Variants in SRBD1 observed in about 807,000 individuals in gnomAD.
The protein encoded by SRBD1 is S1 RNA-binding domain-containing protein 1.
SRBD1 carries 88 observed loss-of-function variants against 115.3 expected under a neutral mutation model. The ratio of observed to expected loss-of-function variants is 0.76; its 90% CI spans 0.64 to 0.91. The LOEUF (loss-of-function observed/expected upper bound fraction) is 0.91. Ranked by LOEUF, SRBD1 falls within the 40% of genes least tolerant of loss-of-function variation. The pLI is 0.00. For missense variants in SRBD1, 1,385 were observed against 1,177.4 expected (o/e 1.18, Z -2.58); for synonymous variants, 509 against 407.7 (o/e 1.25, Z -2.99).
intron 20 of SRBD1, among the ~76,000 whole-genome samples, chr2:45,390,509 G>A (rs1666966708): frequency 6.6e-6 from 1 of 152,238 alleles, no homozygotes; most frequent in Non-Finnish European, 1.5e-5. Flanking sequence ...AAACGGGGCT[G>A]TGGATTATCT....
chr2:45,583,615 T>C (rs1456533152), intron 5 of SRBD1, among the ~76,000 whole-genome samples: 1 of 152,222 alleles, frequency 6.6e-6, no homozygotes, highest in African/African-American at 2.4e-5. Context: ...GTATTTTCTA[T>C]TCACTATTTC....
intron 16 of SRBD1, among the ~76,000 whole-genome samples, chr2:45,420,887 T>C (rs1332752040): frequency 6.6e-6 from 1 of 152,204 alleles, no homozygotes; most frequent in Non-Finnish European, 1.5e-5. Context: ...ATACTTTAAG[T>C]TGTTCTAGGG....
intron 19 of SRBD1, among the ~76,000 whole-genome samples, chr2:45,398,203 G>A (rs1037562324): frequency 6.6e-6 from 1 of 152,100 alleles, no homozygotes; most frequent in African/African-American, 2.4e-5. Flanking sequence ...TTTTAAAAAT[G>A]TAACCCCTTC....
intron 19 of SRBD1, among the ~76,000 whole-genome samples, chr2:45,395,391 G>A (rs1324939116): frequency 6.6e-6 from 1 of 152,086 alleles, no homozygotes; most frequent in East Asian, 1.9e-4. Flanking sequence ...AGAGAGAGAG[G>A]GAGAGAGGAA....
intron 10 of SRBD1, among the ~76,000 whole-genome samples, chr2:45,558,193 G>A (rs184022603): frequency 2.4e-3 from 363 of 152,260 alleles, no homozygotes; most frequent in Admixed American, 5.7e-3. Context: ...AGCCAGGTGT[G>A]GTGGTGCATG....
rs984778410 is a variant in SRBD1 at position 45,499,855 on chromosome 2, T to A, written c.1875-11524A>T. 7.2e-5 allele frequency among the ~76,000 whole-genome samples: 11 copies of A among 152,170 alleles called. 1 individual carries two copies. Among genetic ancestry groups the A allele is most frequent in the African/African-American group, 2.7e-4 (11 of 41,452 alleles). ...CTCTCTTCTGTTCCATTGGTCTATG[T>A]GTCTGTTTTTATGCCAGTATCATGC... On this transcript the variant is annotated intron_variant, in intron 14 of 20. Transcript: ENST00000263736.
chr2:45,590,442 T>C (rs1191972860), intron 4 of SRBD1, among the ~76,000 whole-genome samples: 1 of 152,186 alleles, frequency 6.6e-6, no homozygotes, highest in Non-Finnish European at 1.5e-5. Context: ...TGGCTCTGTG[T>C]CCCCACCCAA....
chr2:45,463,298 C>A (rs1410958711), intron 16 of SRBD1, among the ~76,000 whole-genome samples: 1 of 152,176 alleles, frequency 6.6e-6, no homozygotes, highest in African/African-American at 2.4e-5. Flanking sequence ...CAGGATTATG[C>A]ATTTAATGCA....
chr2:45,531,122 AAATAT>A (rs1558458501), intron 14 of SRBD1, among the ~76,000 whole-genome samples: 4 of 151,770 alleles, frequency 2.6e-5, no homozygotes, highest in Non-Finnish European at 5.9e-5. Flanking sequence ...AGTCTGTCTC[AAATAT>A]CTGCTTTCCT....
At chr2:45,533,022 G>C (rs530138609) in intron 14 of SRBD1, among the ~76,000 whole-genome samples, 190 of 152,142 alleles carry the variant, frequency 1.2e-3, no homozygotes, top group African/African-American at 4.4e-3. Flanking sequence ...AAAAAACCTA[G>C]ATATTCCCTC....
chr2:45,599,786 T>G lies in SRBD1; in HGVS notation c.311A>C (p.Lys104Thr). 6.2e-7 allele frequency: 1 copy of G among 1,614,024 alleles called. No homozygotes were observed. Among genetic ancestry groups the G allele is most frequent in the Non-Finnish European group, 8.5e-7 (1 of 1,180,028 alleles). Reference sequence around the variant, plus strand: ...TTTCAGAGTCTGTACAGTATCCAATTTATTTTTTCTGTCTTCTAAAGCAGT... The same window carrying G: ...TTTCAGAGTCTGTACAGTATCCAATGTATTTTTTCTGTCTTCTAAAGCAGT... The part of the protein sequence containing the change: ...ADTALEDRKN[K>T]LDTVQTLKTA... Residue 104 changes from lysine to threonine, a missense_variant, in exon 4 of 21, where the codon AAA becomes ACA. Coordinates refer to ENST00000263736, the MANE Select transcript of SRBD1 (RefSeq NM_018079.5).
intron 15 of SRBD1, among the ~76,000 whole-genome samples, chr2:45,485,804 T>C (rs934686319): frequency 1.3e-5 from 2 of 152,128 alleles, no homozygotes; most frequent in African/African-American, 4.8e-5. Flanking sequence ...AAGTCACCCC[T>C]GGCATCAATC....
In SRBD1 at chr2:45,574,691, C is replaced by T. The variant is rs762668112; in HGVS notation, c.1105G>A (p.Val369Met). Residue 369 changes from valine to methionine, a missense_variant, in exon 8 of 21, where the codon GTG (valine) becomes ATG (methionine). By Grantham distance (21) the Val-to-Met change is conservative. Coordinates refer to ENST00000263736, the MANE Select transcript of SRBD1 (RefSeq NM_018079.5). ...LSTLQDIEIG[V>M]QHILADMIAK... is the part of the protein sequence containing the mutation. Reference sequence around the variant, plus strand: ...ATCATATCTGCTAAAATATGCTGCACTCCTATTTCAATATCCTGAAGCGTT... The same window carrying T: ...ATCATATCTGCTAAAATATGCTGCATTCCTATTTCAATATCCTGAAGCGTT... The T allele has an allele frequency of 3.1e-6, 5 of 1,613,560 alleles. No homozygotes were observed. Among genetic ancestry groups the T allele is most frequent in the Non-Finnish European group, 8.5e-7 (1 of 1,179,838 alleles).
Position 45,425,586 on chromosome 2 carries a change from G to T in SRBD1, c.2050-5692C>A, listed in dbSNP as rs114809078. ...TTCCAGCGAGATCAATGCAGAAGGT[G>T]GGTGATTCTGCATTTCCAACTGAGG... On this transcript the variant is annotated intron_variant, in intron 16 of 20. Coordinates refer to ENST00000263736, the MANE Select transcript of SRBD1 (RefSeq NM_018079.5). Among the ~76,000 whole-genome samples the T allele has an allele frequency of 1.1e-3, 162 of 152,154 alleles. 1 individual carries two copies. Among genetic ancestry groups the T allele is most frequent in the African/African-American group, 3.8e-3 (158 of 41,520 alleles).
chr2:45,418,271 C>A (rs1249609922), intron 18 of SRBD1, 94 bp downstream of exon 18: 2 of 1,432,466 alleles, frequency 1.4e-6, no homozygotes, highest in African/African-American at 1.4e-5. Context: ...GAACAATGGA[C>A]ACTTAGAAAA....
chr2:45,406,412 A>G (rs540912231), intron 19 of SRBD1, among the ~76,000 whole-genome samples: 42 of 152,334 alleles, frequency 2.8e-4, no homozygotes, highest in African/African-American at 9.4e-4. Context: ...AGAACTATTG[A>G]GGGAAAATCT....
intron 1 of SRBD1, among the ~76,000 whole-genome samples, chr2:45,608,994 G>T (rs1674360112): frequency 6.6e-6 from 1 of 151,946 alleles, no homozygotes; most frequent in African/African-American, 2.4e-5. Flanking sequence ...TTTTGATAGA[G>T]ACGGGGTTCG....
intron 9 of SRBD1, among the ~76,000 whole-genome samples, chr2:45,568,855 T>C (rs1284583127): frequency 6.6e-6 from 1 of 152,272 alleles, no homozygotes; most frequent in Non-Finnish European, 1.5e-5. Context: ...AAAATTACTT[T>C]TCATTATGTT....
intron 6 of SRBD1, 75 bp from the exon 7 acceptor site, chr2:45,580,088 G>T: frequency 8.0e-7 from 1 of 1,253,508 alleles, no homozygotes; most frequent in Non-Finnish European, 1.1e-6. Context: ...CAAAATTAGA[G>T]GACATGCTGA....
Sources: gnomAD v4.1 joint callset for allele counts (sites outside exome capture counted in the v4.1 genomes callset) on GRCh38, gnomAD v4.1.1 for gene constraint, MANE v1.5 for transcripts, NCBI Gene and HGNC (gene_info 2026-07-23, HGNC 2026-07-21) for gene names.